The following FNBP1L variants were observed in gnomAD, a reference collection of about 807,000 sequenced individuals.
FNBP1L encodes the protein formin binding protein 1 like.
A neutral mutation model predicts 91.2 loss-of-function variants in FNBP1L; 36 were observed. The observed-to-expected ratio is 0.39, with a 90% CI of 0.30 to 0.52. The LOEUF is 0.52. FNBP1L is among the 20% of genes least tolerant of loss of function. The pLI is 0.66. For synonymous variants in FNBP1L, 242 were observed against 237.0 expected (o/e 1.02, Z -0.19); for missense variants, 571 against 732.1 (o/e 0.78, Z 2.54).
At chr1:93,511,762 C>A (rs937763730) in intron 2 of FNBP1L, among the ~76,000 whole-genome samples, 9 of 151,760 alleles carry the variant, frequency 5.9e-5, no homozygotes, top group East Asian at 1.9e-4. Context: ...GTCAGGAGAT[C>A]GAGACCATCC....
intron 1 of FNBP1L, chr1:93,488,580 C>G (rs1229565015): frequency 6.6e-6 from 1 of 152,176 alleles, no homozygotes; most frequent in East Asian, 1.9e-4. Context: ...AGCCAAGGTC[C>G]TTATGGTGGA....
chr1:93,462,815 AT>A (rs1400073821), intron 1 of FNBP1L, among the ~76,000 whole-genome samples: 6 of 150,914 alleles, frequency 4.0e-5, no homozygotes, highest in Non-Finnish European at 8.9e-5. Flanking sequence ...TTTCCACTGT[AT>A]TTTTTTTTCC....
intron 2 of FNBP1L, among the ~76,000 whole-genome samples, chr1:93,516,536 C>G (rs1385681629): frequency 6.6e-6 from 1 of 152,136 alleles, no homozygotes; most frequent in Non-Finnish European, 1.5e-5. Flanking sequence ...ACATCCTGGG[C>G]TGGGCACGAT....
At chr1:93,464,790 G>C (rs1179545051) in intron 1 of FNBP1L, among the ~76,000 whole-genome samples, 1 of 152,118 alleles carries the variant, frequency 6.6e-6, no homozygotes, top group Non-Finnish European at 1.5e-5. Context: ...CTATTTACTT[G>C]TGGGTTTAGT....
chr1:93,524,186 T>C, intron 4 of FNBP1L, 75 bp from the exon 5 acceptor site: 1 of 1,258,076 alleles, frequency 7.9e-7, no homozygotes. Flanking sequence ...CTTTAGTGTT[T>C]AAATGTAATT....
chr1:93,547,234 A>T, intron 13 of FNBP1L, 113 bp from the exon 14 acceptor site: 1 of 976,228 alleles, frequency 1.0e-6, no homozygotes, highest in African/African-American at 1.6e-5. Flanking sequence ...AAGGTTTCAC[A>T]TCTCTAAGAA....
chr1:93,465,298 C>T (rs1669035842), intron 1 of FNBP1L, among the ~76,000 whole-genome samples: 1 of 152,028 alleles, frequency 6.6e-6, no homozygotes, highest in South Asian at 2.1e-4. Flanking sequence ...TGGTTTGCTG[C>T]ACCTATCAAC....
intron 1 of FNBP1L, among the ~76,000 whole-genome samples, chr1:93,450,463 T>A (rs983436898): frequency 6.6e-6 from 1 of 152,188 alleles, no homozygotes; most frequent in African/African-American, 2.4e-5. Context: ...TGAACTAATA[T>A]CAACTTGGTG....
At position 93,455,164 on chromosome 1, in the gene FNBP1L, G is replaced by A. The variant is rs188025079; in HGVS notation, c.24+6859G>A. On this transcript the variant is annotated intron_variant, in intron 1 of 16. Transcript: ENST00000271234. ...AGGATGGTCTCGATCTCCTGACCTCGTGGTCCACCCGCCTCGGCCTCCCAG... is the reference window on the plus strand; with the variant it reads ...AGGATGGTCTCGATCTCCTGACCTCATGGTCCACCCGCCTCGGCCTCCCAG... Among the ~76,000 whole-genome samples, 6 of 152,220 alleles carry A rather than the reference G, an allele frequency of 3.9e-5. No individual in the cohort carries two copies. In the East Asian group the frequency reaches 5.8e-4, roughly 15 times the overall value.
At chr1:93,493,134 T>C (rs922323511) in intron 1 of FNBP1L, among the ~76,000 whole-genome samples, 2 of 152,044 alleles carry the variant, frequency 1.3e-5, no homozygotes, top group Non-Finnish European at 2.9e-5. Context: ...CTTGGTGATA[T>C]GCGCCTATAG....
At chr1:93,495,915 T>A (rs567991742) in intron 1 of FNBP1L, among the ~76,000 whole-genome samples, 1 of 152,244 alleles carries the variant, frequency 6.6e-6, no homozygotes, top group African/African-American at 2.4e-5. Flanking sequence ...ATCTTTTACT[T>A]GTTGTAAAGT....
intron 5 of FNBP1L, among the ~76,000 whole-genome samples, chr1:93,525,762 T>TA (rs1312819383): frequency 2.0e-5 from 3 of 152,160 alleles, no homozygotes; most frequent in African/African-American, 7.2e-5. Context: ...AACAATGCTA[T>TA]AAAAAAAGGT....
intron 16 of FNBP1L, 187 bp downstream of exon 16, chr1:93,551,292 C>T (rs41292645): frequency 0.018 from 22,957 of 1,256,766 alleles, 251 homozygotes; most frequent in Non-Finnish European, 0.021. Flanking sequence ...CCACAAGAAA[C>T]ATTTTGTGGC....
chr1:93,474,009 C>A (rs999327153), intron 1 of FNBP1L, among the ~76,000 whole-genome samples: 1 of 152,112 alleles, frequency 6.6e-6, no homozygotes, highest in African/African-American at 2.4e-5. Flanking sequence ...CTTTGGGAGG[C>A]CGAGGCTGGT....
At chr1:93,504,412 G>C (rs1308494760) in intron 2 of FNBP1L, among the ~76,000 whole-genome samples, 5 of 152,166 alleles carry the variant, frequency 3.3e-5, no homozygotes, top group Non-Finnish European at 7.3e-5. Context: ...CTCCCGCCAT[G>C]AGTCTGAAGC....
chr1:93,530,237 C>T (rs1199251148), intron 6 of FNBP1L, among the ~76,000 whole-genome samples: 1 of 152,110 alleles, frequency 6.6e-6, no homozygotes, highest in African/African-American at 2.4e-5. Context: ...TTGGTGGAAA[C>T]ACTGTTGAAT....
chr1:93,530,653 G>A lies in FNBP1L; in HGVS notation c.511-102G>A, dbSNP rs1025921961. On this transcript the variant is annotated intron_variant, in intron 6 of 16. Coordinates refer to ENST00000271234, the MANE Select transcript of FNBP1L (RefSeq NM_001164473.3). The stretch of plus-strand genomic sequence containing the variant: ...CGTCATTATTCTTTTGATGTCAGGT[G>A]TTGGCTTCTTCATTGATAAAATCTA... 11 of 1,265,224 alleles carry A rather than the reference G, an allele frequency of 8.7e-6. No homozygotes were observed. The African/African-American group carries it at 1.4e-4, about 16-fold the overall frequency. 78.4% of individuals were successfully genotyped at this position (1,265,224 alleles called of 1,614,324 possible).
At chr1:93,544,850 A>G (rs1006158131) in intron 12 of FNBP1L, among the ~76,000 whole-genome samples, 6 of 152,146 alleles carry the variant, frequency 3.9e-5, no homozygotes, top group Non-Finnish European at 8.8e-5. Flanking sequence ...GCGCTTAATC[A>G]TAATGAAATA....
chr1:93,484,718 TAAAG>T (rs1281649118), intron 1 of FNBP1L, among the ~76,000 whole-genome samples: 1 of 152,152 alleles, frequency 6.6e-6, no homozygotes, highest in East Asian at 1.9e-4. Flanking sequence ...CAGTATAACA[TAAAG>T]AAAACTAGAT....
Sources: allele counts gnomAD v4.1 joint callset (sites outside exome capture counted in the v4.1 genomes callset), GRCh38; gene constraint gnomAD v4.1.1; transcripts MANE v1.5; gene names NCBI Gene and HGNC (gene_info 2026-07-23, HGNC 2026-07-21).